The following IQGAP3 variants were observed in gnomAD, a reference collection of about 807,000 sequenced individuals.
IQGAP3 encodes ras GTPase-activating-like protein IQGAP3.
IQGAP3 carries 165 observed loss-of-function variants against 208.2 expected under a neutral mutation model. The observed-to-expected ratio is 0.79, with a 90% CI of 0.70 to 0.90. The LOEUF (loss-of-function observed/expected upper bound fraction) is 0.90, where lower values mean the gene tolerates loss of function less well. IQGAP3 is among the 40% of genes least tolerant of loss of function. The pLI is 0.00. For synonymous variants in IQGAP3, 703 were observed against 803.6 expected (o/e 0.87, Z 2.12); for missense variants, 1,811 against 2,043.1 (o/e 0.89, Z 2.19).
At chr1:156,566,868 T>G (rs1038169762) in intron 2 of IQGAP3, among the ~76,000 whole-genome samples, 2 of 150,684 alleles carry the variant, frequency 1.3e-5, no homozygotes, top group Non-Finnish European at 3.0e-5. Flanking sequence ...ATGCTTTTTT[T>G]TTTTTTTTTT....
intron 25 of IQGAP3, 130 bp from the exon 26 acceptor site, chr1:156,539,163 C>G (rs1389335659): frequency 1.4e-5 from 12 of 868,536 alleles, no homozygotes; most frequent in Non-Finnish European, 2.0e-5. Flanking sequence ...GTCTTGATAT[C>G]TCTCTCATCC....
intron 13 of IQGAP3, among the ~76,000 whole-genome samples, chr1:156,553,310 C>T (rs557869709): frequency 1.3e-5 from 2 of 152,298 alleles, no homozygotes; most frequent in African/African-American, 2.4e-5. Flanking sequence ...CTTCATCTCC[C>T]ACTCCTCTTT....
intron 37 of IQGAP3, among the ~76,000 whole-genome samples, chr1:156,527,385 G>T (rs1674142657): frequency 6.6e-6 from 1 of 152,008 alleles, no homozygotes; most frequent in South Asian, 2.1e-4. Context: ...AGCTGAGGCA[G>T]GAGAATCGCT....
intron 35 of IQGAP3, 65 bp from the exon 36 acceptor site, chr1:156,528,675 T>G: frequency 7.2e-7 from 1 of 1,381,236 alleles, no homozygotes; most frequent in Non-Finnish European, 1.0e-6. Flanking sequence ...AAACTTGTTT[T>G]CTGTGGCTGG....
intron 32 of IQGAP3, among the ~76,000 whole-genome samples, chr1:156,531,886 T>C (rs781437612): frequency 1.3e-5 from 2 of 150,624 alleles, no homozygotes; most frequent in Non-Finnish European, 3.0e-5. Flanking sequence ...ATTACAGACA[T>C]GAGCCACCGC....
At position 156,529,916 on chromosome 1, in the gene IQGAP3, C is replaced by CAAAAAAAAAAA. The variant is rs57536386; in HGVS notation, c.4404+178_4404+188dup. Among the ~76,000 whole-genome samples the CAAAAAAAAAAA allele has an allele frequency of 1.9e-4, 13 of 68,994 alleles. 2 individuals carry two copies. The highest frequency in any genetic ancestry group is 1.9e-4 in the Non-Finnish European group (7 of 36,792). The allele number at this position is 68,994 out of a possible 152,430, so 45.3% of individuals were successfully genotyped here. On this transcript the variant is annotated intron_variant, in intron 34 of 37. Coordinates refer to ENST00000361170, the MANE Select transcript of IQGAP3 (RefSeq NM_178229.5). ...AGCCTGGATGAGAGTGAGACTGTCT[C>CAAAAAAAAAAA]AAAAAAAAAAAAAAAAAAGAAAAAA...
At chr1:156,570,218 C>A (rs1044544716) in intron 1 of IQGAP3, among the ~76,000 whole-genome samples, 1 of 152,212 alleles carries the variant, frequency 6.6e-6, no homozygotes, top group Non-Finnish European at 1.5e-5. Flanking sequence ...ATGCCAGGCA[C>A]TGGACTAGCA....
In IQGAP3 at chr1:156,530,146, C is replaced by T. The variant is rs368191209; in HGVS notation, c.4363G>A (p.Ala1455Thr). The change falls in exon 34 of 38, where the codon GCC (alanine) becomes ACC (threonine). Residue 1455 changes from alanine to threonine, a missense_variant. Ala to Thr is a moderately conservative substitution (Grantham distance 58). Coordinates refer to ENST00000361170, the MANE Select transcript of IQGAP3 (RefSeq NM_178229.5). ...RRLEALGLVS[A>T]RNGYQGLVDE... ...ACTAGCCCCTGGTAGCCATTTCTGG[C>T]GCTGACCAACCCCAGGGCTTCAAGT... is the stretch of plus-strand genomic sequence containing the variant. 27 of 1,608,860 alleles carry T rather than the reference C, an allele frequency of 1.7e-5. No homozygotes were observed. In the African/African-American group the frequency reaches 1.7e-4, roughly 10 times the overall value.
intron 1 of IQGAP3, among the ~76,000 whole-genome samples, chr1:156,569,832 C>T (rs1676569985): frequency 6.6e-6 from 1 of 152,178 alleles, no homozygotes; most frequent in Non-Finnish European, 1.5e-5. Flanking sequence ...GAAACATCTT[C>T]TCAACAGACT....
chr1:156,572,488 C>A lies in IQGAP3; in HGVS notation c.37+5G>T. 1 of 1,610,752 alleles carries A rather than the reference C, an allele frequency of 6.2e-7. No homozygotes were observed. The highest frequency in any genetic ancestry group is 8.5e-7 in the Non-Finnish European group (1 of 1,179,898). ...AGACCCTTCTCTGACCCTCTCCGCA[C>A]TCACAGGCTGCCCAGCCTGGGCCCG... On this transcript the variant is annotated splice_donor_5th_base_variant and intron_variant, in intron 1 of 37. Coordinates refer to ENST00000361170, the MANE Select transcript of IQGAP3 (RefSeq NM_178229.5).
rs149623112 is a variant in IQGAP3, at chr1:156,530,175, C to T, written c.4334G>A (p.Arg1445His). ...GACCAACCCCAGGGCTTCAAGTCGG[C>T]GTAGGTTCCGCAGGACGCGCCGCTG... ...EKQRRVLRNL[R>H]RLEALGLVSA... The change falls in exon 34 of 38, where the codon CGC becomes CAC. Residue 1445 changes from arginine to histidine, a missense_variant. Physicochemically the swap from Arg to His is conservative, Grantham distance 29 (BLOSUM62 0). Transcript: ENST00000361170. 4.8e-4 allele frequency: 771 copies of T among 1,611,756 alleles called. 4 individuals carry two copies. The African/African-American group carries it at 8.6e-3, about 18-fold the overall frequency.
At chr1:156,569,260 G>A (rs776836056) in intron 2 of IQGAP3, 116 bp downstream of exon 2, 4 of 635,046 alleles carry the variant, frequency 6.3e-6, no homozygotes, top group South Asian at 2.0e-5. Flanking sequence ...ATTTCAACTC[G>A]CCCTTTCCCA....
rs1000024878 is a variant in IQGAP3 at position 156,538,926 on chromosome 1, A to G, written c.3164T>C (p.Ile1055Thr). 1.9e-6 allele frequency: 3 copies of G among 1,614,148 alleles called. No individual in the cohort carries two copies. The highest frequency in any genetic ancestry group is 1.6e-4 in the Middle Eastern group (1 of 6,062). ...CACATCCTGGATAACCTTGCCCAGA[A>G]TCTCCTGCAGGGCACTCTGTCCCCG... ...NGRGQSALQE[I>T]LGKVIQDVLE... Residue 1055 changes from isoleucine to threonine, a missense_variant, in exon 26 of 38, where the codon ATT (isoleucine) becomes ACT (threonine). Coordinates refer to ENST00000361170, the MANE Select transcript of IQGAP3 (RefSeq NM_178229.5).
At chr1:156,572,386 C>T in intron 1 of IQGAP3, 107 bp downstream of exon 1, 1 of 1,237,514 alleles carries the variant, frequency 8.1e-7, no homozygotes, top group Non-Finnish European at 1.2e-6. Flanking sequence ...ACCGCCCTCG[C>T]CCCTCAGGCT....
chr1:156,534,441 G>T (rs2102365684), intron 29 of IQGAP3, 60 bp downstream of exon 29: 1 of 1,260,928 alleles, frequency 7.9e-7, no homozygotes, highest in African/African-American at 1.5e-5. Flanking sequence ...GAGGGGACAA[G>T]TGGGATGTCA....
At position 156,526,419 on chromosome 1, in the gene IQGAP3, G is replaced by A; in HGVS notation, c.*67C>T. Reference sequence around the variant, plus strand: ...CTAGGTGTCTGCAGGGAAGCACAGTGGTGAGTTAGTGTTAAAGAAAGCATC... The same window carrying A: ...CTAGGTGTCTGCAGGGAAGCACAGTAGTGAGTTAGTGTTAAAGAAAGCATC... On this transcript the variant is annotated 3_prime_UTR_variant, in exon 38 of 38. Transcript: ENST00000361170. 1 of 1,001,362 alleles carries A rather than the reference G, an allele frequency of 1.0e-6. No individual in the cohort carries two copies. The allele number at this position is 1,001,362 out of a possible 1,614,324, so 62.0% of individuals were successfully genotyped here. A position where few individuals can be genotyped will look rare whatever the true frequency, so the allele number is the denominator to read the frequency against.
chr1:156,547,304 AACC>A (rs1675291855), intron 19 of IQGAP3, among the ~76,000 whole-genome samples: 1 of 151,974 alleles, frequency 6.6e-6, no homozygotes, highest in Non-Finnish European at 1.5e-5. Context: ...TTTTCTGTTT[AACC>A]ACCACCACTT....
intron 19 of IQGAP3, 127 bp from the exon 20 acceptor site, chr1:156,544,599 G>T: frequency 2.6e-6 from 2 of 759,586 alleles, no homozygotes; most frequent in Non-Finnish European, 4.5e-6. Context: ...GGGGGAAGGG[G>T]AAAGTGGCCC....
rs137863711 is a variant in IQGAP3 at position 156,550,297 on chromosome 1, C to T, written c.1789G>A (p.Val597Ile). The change falls in exon 16 of 38, where the codon GTC (valine) becomes ATC (isoleucine). Residue 597 changes from valine to isoleucine, a missense_variant. Physicochemically the swap from Val to Ile is conservative, Grantham distance 29. Coordinates refer to ENST00000361170, the MANE Select transcript of IQGAP3 (RefSeq NM_178229.5). ...GTATTAGTGTCCTGGTTGGCTCTGA[C>T]CACTCCCTGGCGGATCTCCTCAAGC... ...LWLEEIRQGV[V>I]RANQDTNTAQ... 3.1e-6 allele frequency: 5 copies of T among 1,613,786 alleles called. No homozygotes were observed. The South Asian group carries it at 4.4e-5, about 14-fold the overall frequency.
Sources: allele counts gnomAD v4.1 joint callset (sites outside exome capture counted in the v4.1 genomes callset), GRCh38; gene constraint gnomAD v4.1.1; transcripts MANE v1.5; gene names NCBI Gene and HGNC (gene_info 2026-07-23, HGNC 2026-07-21).